The following SLC35F2 variants were observed in gnomAD, a reference collection of about 807,000 sequenced individuals.
SLC35F2 encodes the protein queuine/queuosine transporter SLC35F2.
A neutral mutation model predicts 38.1 loss-of-function variants in SLC35F2; 25 were observed. The ratio of observed to expected loss-of-function variants is 0.66; its 90% CI spans 0.48 to 0.92. SLC35F2 has a LOEUF of 0.92. SLC35F2 is among the 40% of genes least tolerant of loss of function. The probability of loss-of-function intolerance (pLI) is 0.00; values close to 1 mark genes in which losing one functional copy is unlikely to be tolerated. For missense variants in SLC35F2, 409 were observed against 452.9 expected, an observed-to-expected ratio of 0.90 and a Z score of 0.88; for synonymous variants, 173 against 181.7, an observed-to-expected ratio of 0.95 and a Z score of 0.38.
In SLC35F2 at chr11:107,826,705, G is replaced by A. The variant is rs918639661; in HGVS notation, c.111-10740C>T. Among the ~76,000 whole-genome samples the A allele has an allele frequency of 5.3e-5, 8 of 152,042 alleles. 1 individual carries two copies. The highest frequency in any genetic ancestry group is 3.9e-4 in the Admixed American group (6 of 15,266). ...TAAAACAAAAATTAAATTTAAAAAA[G>A]CCACATCTAAAATAAAATTTAAAAT... On this transcript the variant is annotated intron_variant, in intron 1 of 7. Coordinates refer to ENST00000525815, the MANE Select transcript of SLC35F2 (RefSeq NM_017515.5).
At chr11:107,793,745 TGA>T (rs1424335005) in intron 7 of SLC35F2, among the ~76,000 whole-genome samples, 8 of 152,064 alleles carry the variant, frequency 5.3e-5, no homozygotes, top group Admixed American at 2.6e-4. Flanking sequence ...TAAGGTCCGG[TGA>T]GGACAATCAT....
At chr11:107,855,148 T>C (rs1860256237) in intron 1 of SLC35F2, among the ~76,000 whole-genome samples, 1 of 152,032 alleles carries the variant, frequency 6.6e-6, no homozygotes, top group African/African-American at 2.4e-5. Flanking sequence ...AAACTTTAAT[T>C]AACAAAAGAG....
intron 1 of SLC35F2, among the ~76,000 whole-genome samples, chr11:107,816,965 T>A (rs1446313002): frequency 6.6e-6 from 1 of 152,104 alleles, no homozygotes; most frequent in East Asian, 1.9e-4. Flanking sequence ...AGAAATACTG[T>A]GGGAAACAGC....
chr11:107,810,931 C>T, intron 3 of SLC35F2: 8 of 973,626 alleles, frequency 8.2e-6, no homozygotes, highest in Non-Finnish European at 9.8e-6. Context: ...TCAAATCCCA[C>T]ATCTGATACA....
At position 107,805,465 on chromosome 11, in the gene SLC35F2, A is replaced by T; in HGVS notation, c.625T>A (p.Tyr209Asn). 1 of 1,614,168 alleles carries T rather than the reference A, an allele frequency of 6.2e-7. No homozygotes were observed. The highest frequency in any genetic ancestry group is 8.5e-7 in the Non-Finnish European group (1 of 1,180,024). ...TCCTCACAAACATTTGAAATGGCAT[A>T]GAGGGAAGCCCCAAGAAGGACCAAG... Reference protein sequence around the residue: ...DILVLLGASLYAISNVCEEYI... With the variant: ...DILVLLGASLNAISNVCEEYI... Residue 209 changes from tyrosine to asparagine, a missense_variant, in exon 5 of 8, where the codon TAT becomes AAT. Coordinates refer to ENST00000525815, the MANE Select transcript of SLC35F2 (RefSeq NM_017515.5).
At chr11:107,803,679 TAA>T (rs775413383) in intron 6 of SLC35F2, 7 of 203,376 alleles carry the variant, frequency 3.4e-5, no homozygotes, top group Non-Finnish European at 4.3e-5. Flanking sequence ...CAGCACAATA[TAA>T]TTATCCTTTT....
Position 107,853,957 on chromosome 11 carries a change from C to T in SLC35F2, c.110+4701G>A, listed in dbSNP as rs10219297. 4.9e-3 allele frequency among the ~76,000 whole-genome samples: 746 copies of T among 152,122 alleles called. 8 individuals carry two copies. The highest frequency in any genetic ancestry group is 0.017 in the African/African-American group (693 of 41,526). On this transcript the variant is annotated intron_variant, in intron 1 of 7. Transcript: ENST00000525815. ...AATAGGCCTGGTGCAGTGACTCATGCCTGTGATCCCAAATTTTAGGAGGCC... is the reference window on the plus strand; with the variant it reads ...AATAGGCCTGGTGCAGTGACTCATGTCTGTGATCCCAAATTTTAGGAGGCC...
chr11:107,822,640 T>C (rs1859691301), intron 1 of SLC35F2, among the ~76,000 whole-genome samples: 1 of 152,116 alleles, frequency 6.6e-6, no homozygotes, highest in South Asian at 2.1e-4. Flanking sequence ...AAAGGGACAT[T>C]ATATTCTCCA....
In SLC35F2 at chr11:107,812,924, T is replaced by G. The variant is rs927562119; in HGVS notation, c.287-1130A>C. Among the ~76,000 whole-genome samples, 3 of 152,300 alleles carry G rather than the reference T, an allele frequency of 2.0e-5. No individual in the cohort carries two copies. In the South Asian group the frequency reaches 6.2e-4, roughly 32 times the overall value. ...GTGAAAATTAAGTCCTCGATAAGCT[T>G]GAGAAAAGGCTTAGTGCACACTGAA... On this transcript the variant is annotated intron_variant, in intron 2 of 7. Transcript: ENST00000525815.
Position 107,805,406 on chromosome 11 carries a change from A to C in SLC35F2, c.684T>G (p.Phe228Leu). 2 of 1,614,180 alleles carry C rather than the reference A, an allele frequency of 1.2e-6. No individual in the cohort carries two copies. The highest frequency in any genetic ancestry group is 1.7e-6 in the Non-Finnish European group (2 of 1,180,028). The change falls in exon 5 of 8, where the codon TTT (phenylalanine) becomes TTG (leucine). Residue 228 changes from phenylalanine (F) to leucine (L), a missense_variant. Coordinates refer to ENST00000525815, the MANE Select transcript of SLC35F2 (RefSeq NM_017515.5). ...TTCCAAACAGGCCCACCATTCCTAA[A>C]AACTCCTGTCTGCTCAGCTTCTTCA... ...YIVKKLSRQE[F>L]LGMVGLFGTI...
intron 7 of SLC35F2, among the ~76,000 whole-genome samples, chr11:107,793,339 G>C (rs1051945754): frequency 2.0e-5 from 3 of 152,254 alleles, no homozygotes; most frequent in African/African-American, 7.2e-5. Flanking sequence ...TGGATCCTTG[G>C]ATCTTTAGGA....
chr11:107,858,308 G>A (rs1461740058), intron 1 of SLC35F2, among the ~76,000 whole-genome samples: 1 of 152,196 alleles, frequency 6.6e-6, no homozygotes, highest in Non-Finnish European at 1.5e-5. Context: ...CCCAGCCCGA[G>A]GTGGGCACTC....
chr11:107,840,449 G>T (rs1257806274), intron 1 of SLC35F2, among the ~76,000 whole-genome samples: 1 of 152,218 alleles, frequency 6.6e-6, no homozygotes, highest in East Asian at 1.9e-4. Context: ...AGGCAGAACA[G>T]AAGGTTCTGA....
At chr11:107,851,584 A>G (rs191211289) in intron 1 of SLC35F2, among the ~76,000 whole-genome samples, 112 of 150,926 alleles carry the variant, frequency 7.4e-4, no homozygotes, top group Admixed American at 3.3e-3. Flanking sequence ...AATTTTTTCT[A>G]AAAAAAAGGG....
At chr11:107,816,616 A>G (rs982745892) in intron 1 of SLC35F2, among the ~76,000 whole-genome samples, 13 of 152,000 alleles carry the variant, frequency 8.6e-5, no homozygotes, top group Admixed American at 2.6e-4. Context: ...ATGGAAACTA[A>G]TTAAAGAAAC....
chr11:107,799,236 C>G (rs1354176085), intron 7 of SLC35F2, among the ~76,000 whole-genome samples: 2 of 152,068 alleles, frequency 1.3e-5, no homozygotes, highest in Non-Finnish European at 2.9e-5. Flanking sequence ...TAAGAATGTA[C>G]TATTAGACAT....
intron 1 of SLC35F2, among the ~76,000 whole-genome samples, chr11:107,822,023 A>AG (rs1450920816): frequency 1.3e-5 from 2 of 152,236 alleles, no homozygotes; most frequent in Non-Finnish European, 2.9e-5. Context: ...GGATCACTTG[A>AG]GGTCAGGAGT....
At chr11:107,803,570 T>C (rs10502099) in intron 6 of SLC35F2, 61,484 of 875,370 alleles carry the variant, frequency 0.07, 4,246 homozygotes, top group East Asian at 0.4. Context: ...GGACATGATT[T>C]GTATAATTGG....
intron 1 of SLC35F2, among the ~76,000 whole-genome samples, chr11:107,831,979 A>G (rs1451399244): frequency 1.3e-5 from 2 of 152,304 alleles, no homozygotes; most frequent in South Asian, 2.1e-4. Context: ...AAATTACCCT[A>G]TACATTATAA....
Sources: allele counts gnomAD v4.1 joint callset (sites outside exome capture counted in the v4.1 genomes callset), GRCh38; gene constraint gnomAD v4.1.1; transcripts MANE v1.5; gene names NCBI Gene and HGNC (gene_info 2026-07-23, HGNC 2026-07-21).